Variants in PAK1 observed in about 807,000 individuals in gnomAD.
The protein encoded by PAK1 is p21 (RAC1) activated kinase 1.
In PAK1, 29 loss-of-function variants were observed where a neutral mutation model predicts 67.4. That is an observed-to-expected ratio of 0.43 (90% CI 0.32 to 0.59). The LOEUF is 0.59. PAK1 is among the 20% of genes least tolerant of loss of function. The pLI, the probability that PAK1 is intolerant of heterozygous loss-of-function variation, is 0.07. For missense variants in PAK1, 337 were observed against 670.7 expected, an observed-to-expected ratio of 0.50 and a Z score of 5.50; for synonymous variants, 223 against 237.4, an observed-to-expected ratio of 0.94 and a Z score of 0.56.
At chr11:77,448,844 G>C (rs564192516) in intron 1 of PAK1, among the ~76,000 whole-genome samples, 8 of 152,262 alleles carry the variant, frequency 5.3e-5, no homozygotes, top group African/African-American at 1.7e-4. Flanking sequence ...AGAAACTCTT[G>C]AAACTATTTA....
the PAK1 span, among the ~76,000 whole-genome samples, chr11:77,479,789 G>T: frequency 6.6e-6 from 1 of 151,438 alleles, no homozygotes. Flanking sequence ...TGTATTTTTA[G>T]TGGAGATGAG....
At chr11:77,519,842 G>A in the PAK1 span, among the ~76,000 whole-genome samples, 1 of 152,324 alleles carries the variant, frequency 6.6e-6, no homozygotes, top group Non-Finnish European at 1.5e-5. Flanking sequence ...TGGACACACT[G>A]AAGGGTAAAT....
chr11:77,427,889 ACT>A (rs1486813698), intron 1 of PAK1, among the ~76,000 whole-genome samples: 2 of 152,156 alleles, frequency 1.3e-5, no homozygotes, highest in African/African-American at 4.8e-5. Context: ...CTGAACTAGG[ACT>A]CTGAGGGATT....
chr11:77,354,360 T>C (rs1186701840), intron 7 of PAK1, among the ~76,000 whole-genome samples: 2 of 152,136 alleles, frequency 1.3e-5, no homozygotes, highest in Non-Finnish European at 2.9e-5. Context: ...TTACTAGGAA[T>C]TGGTACTTTT....
chr11:77,489,799 C>A, the PAK1 span, among the ~76,000 whole-genome samples: 1 of 152,024 alleles, frequency 6.6e-6, no homozygotes, highest in Admixed American at 6.5e-5. Flanking sequence ...CGGCTCGCTA[C>A]AACCTCCACC....
chr11:77,363,487 A>G (rs1428928817), intron 5 of PAK1, among the ~76,000 whole-genome samples: 2 of 152,230 alleles, frequency 1.3e-5, no homozygotes, highest in Admixed American at 1.3e-4. Context: ...AAACCGTATC[A>G]GGATTCAAAA....
At chr11:77,341,417 T>C (rs970990779) in intron 10 of PAK1, among the ~76,000 whole-genome samples, 6 of 152,224 alleles carry the variant, frequency 3.9e-5, no homozygotes, top group African/African-American at 7.2e-5. Flanking sequence ...TGAGTGTCTG[T>C]GGTTCAAGAA....
chr11:77,433,680 G>A (rs1955970895), intron 1 of PAK1, among the ~76,000 whole-genome samples: 1 of 152,248 alleles, frequency 6.6e-6, no homozygotes. Context: ...TGGAGAGGCT[G>A]AGGCAGGAGA....
intron 10 of PAK1, among the ~76,000 whole-genome samples, chr11:77,341,663 C>T (rs906531898): frequency 3.3e-5 from 5 of 152,170 alleles, no homozygotes; most frequent in Admixed American, 1.3e-4. Flanking sequence ...AGCCTAGAGC[C>T]CTAAAGTCTT....
intron 11 of PAK1, among the ~76,000 whole-genome samples, chr11:77,339,104 A>T (rs1463218639): frequency 3.3e-5 from 5 of 152,166 alleles, no homozygotes; most frequent in African/African-American, 4.8e-5. Flanking sequence ...TAAAAGGAGA[A>T]GATGATCTCT....
At chr11:77,405,666 GACAGACAGAC>G (rs1953400049) in intron 1 of PAK1, among the ~76,000 whole-genome samples, 1 of 117,384 alleles carries the variant, frequency 8.5e-6, no homozygotes, top group Non-Finnish European at 1.7e-5. Flanking sequence ...CAGACAGACA[GACAGACAGAC>G]ACACACACAC....
intron 14 of PAK1, chr11:77,325,412 G>C: frequency 6.2e-7 from 1 of 1,607,962 alleles, no homozygotes; most frequent in South Asian, 1.1e-5. Context: ...GACTCACAGA[G>C]TTGTTGTAAA....
the PAK1 span, among the ~76,000 whole-genome samples, chr11:77,514,029 A>G: frequency 1.3e-5 from 2 of 152,162 alleles, no homozygotes; most frequent in Non-Finnish European, 2.9e-5. Flanking sequence ...TCATTATATA[A>G]CTTTCCCAAG....
intron 3 of PAK1, chr11:77,379,595 C>T: frequency 1.7e-6 from 1 of 591,868 alleles, no homozygotes; most frequent in South Asian, 2.2e-5. Context: ...TGCTCCTTCA[C>T]CAGGCTATAC....
intron 9 of PAK1, among the ~76,000 whole-genome samples, chr11:77,345,373 T>C (rs1329891436): frequency 6.6e-6 from 1 of 152,114 alleles, no homozygotes; most frequent in Non-Finnish European, 1.5e-5. Context: ...CTCTATCCCA[T>C]AGAAGTATAC....
chr11:77,417,015 G>C (rs1352506369), intron 1 of PAK1, among the ~76,000 whole-genome samples: 1 of 151,944 alleles, frequency 6.6e-6, no homozygotes, highest in Non-Finnish European at 1.5e-5. Context: ...CAGCAGGTTT[G>C]TTTACACCAG....
intron 14 of PAK1, among the ~76,000 whole-genome samples, chr11:77,329,796 G>T (rs1941009969): frequency 6.6e-6 from 1 of 152,046 alleles, no homozygotes; most frequent in Admixed American, 6.6e-5. Flanking sequence ...CAATCAGGCA[G>T]GAGAAGGAAA....
chr11:77,359,330 G>A (rs1319166448), intron 5 of PAK1, among the ~76,000 whole-genome samples: 1 of 152,070 alleles, frequency 6.6e-6, no homozygotes, highest in African/African-American at 2.4e-5. Flanking sequence ...CAAGCTCACA[G>A]TACCTTCTTA....
intron 1 of PAK1, among the ~76,000 whole-genome samples, chr11:77,458,213 A>C: frequency 6.6e-6 from 1 of 152,222 alleles, no homozygotes; most frequent in South Asian, 2.1e-4. Flanking sequence ...AAACATTTTA[A>C]AATGTTTATA....
Sources: gnomAD v4.1 joint callset for allele counts (sites outside exome capture counted in the v4.1 genomes callset) on GRCh38, gnomAD v4.1.1 for gene constraint, MANE v1.5 for transcripts, NCBI Gene and HGNC (gene_info 2026-07-23, HGNC 2026-07-21) for gene names.